SLC24A2: variants seen among roughly 807,000 people sequenced by gnomAD.
SLC24A2 encodes the protein sodium/potassium/calcium exchanger 2.
In SLC24A2, 36 loss-of-function variants were observed where a neutral mutation model predicts 62.0. The observed-to-expected ratio is 0.58, with a 90% CI of 0.44 to 0.77. The LOEUF (loss-of-function observed/expected upper bound fraction) is 0.77. Ranked by LOEUF, SLC24A2 falls within the 30% of genes least tolerant of loss-of-function variation. SLC24A2 has a pLI of 0.00. For missense variants in SLC24A2, 846 were observed against 817.9 expected (o/e 1.03, Z -0.42); for synonymous variants, 358 against 294.0 (o/e 1.22, Z -2.23).
At chr9:20,026,658 C>A in the SLC24A2 span, among the ~76,000 whole-genome samples, 2 of 151,918 alleles carry the variant, frequency 1.3e-5, no homozygotes, top group Non-Finnish European at 2.9e-5. Flanking sequence ...TTATTCTTAA[C>A]ATATTAAAAA....
At chr9:19,869,190 A>G in the SLC24A2 span, among the ~76,000 whole-genome samples, 1 of 152,114 alleles carries the variant, frequency 6.6e-6, no homozygotes, top group Non-Finnish European at 1.5e-5. Context: ...TATGTTACCT[A>G]GGCTGATCTC....
intron 7 of SLC24A2, among the ~76,000 whole-genome samples, chr9:19,567,993 T>A (rs1211993912): frequency 1.3e-5 from 2 of 152,170 alleles, no homozygotes; most frequent in African/African-American, 4.8e-5. Context: ...ATAGGGTTTT[T>A]AAAACAGCAG....
At chr9:19,780,494 C>G (rs1431272034) in intron 2 of SLC24A2, among the ~76,000 whole-genome samples, 1 of 151,670 alleles carries the variant, frequency 6.6e-6, no homozygotes, top group Non-Finnish European at 1.5e-5. Flanking sequence ...TTTTGAACTC[C>G]TGACCTTGTG....
At chr9:20,273,147 C>G in the SLC24A2 span, among the ~76,000 whole-genome samples, 5 of 152,174 alleles carry the variant, frequency 3.3e-5, no homozygotes, top group African/African-American at 1.2e-4. Flanking sequence ...TGATGGAGCA[C>G]AGGACACACT....
the SLC24A2 span, among the ~76,000 whole-genome samples, chr9:20,061,341 G>A: frequency 1.4e-4 from 21 of 151,894 alleles, no homozygotes; most frequent in African/African-American, 5.1e-4. Flanking sequence ...CTGGAAGGCA[G>A]TGGTGCATGA....
At chr9:20,030,823 G>A in the SLC24A2 span, among the ~76,000 whole-genome samples, 6 of 152,278 alleles carry the variant, frequency 3.9e-5, no homozygotes, top group East Asian at 9.7e-4. Flanking sequence ...ACTACCAGGA[G>A]AGTGGAGAGA....
chr9:20,252,593 A>AT, the SLC24A2 span, among the ~76,000 whole-genome samples: 1 of 152,238 alleles, frequency 6.6e-6, no homozygotes, highest in Non-Finnish European at 1.5e-5. Flanking sequence ...ATTATGAAAC[A>AT]TTAGGCAAGG....
At chr9:19,553,631 A>C (rs1240609824) in intron 7 of SLC24A2, among the ~76,000 whole-genome samples, 1 of 152,190 alleles carries the variant, frequency 6.6e-6, no homozygotes, top group Non-Finnish European at 1.5e-5. Context: ...TGCTGGGCAG[A>C]GTAGGTGGTA....
chr9:19,973,760 T>G, the SLC24A2 span, among the ~76,000 whole-genome samples: 1 of 152,344 alleles, frequency 6.6e-6, no homozygotes, highest in Non-Finnish European at 1.5e-5. Flanking sequence ...TAAGATTCTT[T>G]CAAATGCTGT....
At chr9:19,527,897 T>G (rs1833514211) in intron 9 of SLC24A2, 152 bp downstream of exon 9, 1 of 683,634 alleles carries the variant, frequency 1.5e-6, no homozygotes, top group Non-Finnish European at 2.7e-6. Flanking sequence ...GAAAGTTAAG[T>G]GGATAAATTC....
intron 5 of SLC24A2, among the ~76,000 whole-genome samples, chr9:19,580,993 T>A (rs1836189022): frequency 6.6e-6 from 1 of 152,148 alleles, no homozygotes; most frequent in South Asian, 2.1e-4. Flanking sequence ...AAAGGGCTTA[T>A]CACATTGTGT....
chr9:19,901,447 C>T, the SLC24A2 span, among the ~76,000 whole-genome samples: 1 of 152,080 alleles, frequency 6.6e-6, no homozygotes, highest in East Asian at 1.9e-4. Flanking sequence ...GAAGTATAGC[C>T]TTTGGCAAAG....
the SLC24A2 span, among the ~76,000 whole-genome samples, chr9:19,838,275 A>G: frequency 6.6e-6 from 1 of 152,100 alleles, no homozygotes; most frequent in Non-Finnish European, 1.5e-5. Flanking sequence ...CATATCTACA[A>G]CTATCTGATC....
At chr9:20,043,826 C>A in the SLC24A2 span, among the ~76,000 whole-genome samples, 1 of 151,832 alleles carries the variant, frequency 6.6e-6, no homozygotes, top group Admixed American at 6.6e-5. Context: ...TTAGAATAAA[C>A]TTAGTTGATA....
chr9:20,173,965 G>C, the SLC24A2 span, among the ~76,000 whole-genome samples: 1 of 152,054 alleles, frequency 6.6e-6, no homozygotes, highest in Non-Finnish European at 1.5e-5. Flanking sequence ...GAAAACCATA[G>C]TCACCAAAAC....
At chr9:20,267,290 C>G in the SLC24A2 span, among the ~76,000 whole-genome samples, 1 of 152,154 alleles carries the variant, frequency 6.6e-6, no homozygotes, top group Non-Finnish European at 1.5e-5. Context: ...CATCCCCACC[C>G]TCTAACCCCC....
intron 2 of SLC24A2, among the ~76,000 whole-genome samples, chr9:19,699,524 T>C (rs891944313): frequency 6.6e-6 from 1 of 152,194 alleles, no homozygotes; most frequent in Admixed American, 6.5e-5. Context: ...CATGAGGCAG[T>C]TTCTTAAGAT....
chr9:19,593,130 G>T (rs1255516588), intron 5 of SLC24A2, among the ~76,000 whole-genome samples: 1 of 152,222 alleles, frequency 6.6e-6, no homozygotes, highest in Non-Finnish European at 1.5e-5. Context: ...CAGGCACAGT[G>T]CTGTGAGCTT....
the SLC24A2 span, among the ~76,000 whole-genome samples, chr9:19,839,241 A>T: frequency 5.3e-5 from 8 of 152,206 alleles, no homozygotes; most frequent in Admixed American, 3.3e-4. Context: ...TCAGGAAACA[A>T]CAGGTGCTGG....
Sources: allele counts gnomAD v4.1 joint callset (sites outside exome capture counted in the v4.1 genomes callset), GRCh38; gene constraint gnomAD v4.1.1; transcripts MANE v1.5; gene names NCBI Gene and HGNC (gene_info 2026-07-23, HGNC 2026-07-21).